PTPRT: variants seen among roughly 807,000 people sequenced by gnomAD.
PTPRT encodes protein tyrosine phosphatase receptor type T, also known as receptor-type tyrosine-protein phosphatase T.
A neutral mutation model predicts 176.8 loss-of-function variants in PTPRT; 56 were observed. The ratio of observed to expected loss-of-function variants is 0.32; its 90% CI spans 0.26 to 0.40. The LOEUF is 0.40. Among genes scored for constraint, PTPRT ranks in the 10% least tolerant of loss-of-function variants. PTPRT has a pLI of 1.00. For missense variants in PTPRT, 1,540 were observed against 1,908.2 expected, an observed-to-expected ratio of 0.81 and a Z score of 3.60; for synonymous variants, 783 against 739.0, an observed-to-expected ratio of 1.06 and a Z score of -0.96.
chr20:42,084,044 C>T (rs768214296), intron 29 of PTPRT, among the ~76,000 whole-genome samples: 1 of 152,196 alleles, frequency 6.6e-6, no homozygotes, highest in Non-Finnish European at 1.5e-5. Flanking sequence ...CATGCCAAAG[C>T]ACTATAAGGT....
rs373049622 is a variant in PTPRT at position 42,567,772 on chromosome 20, G to C, written c.1154-95210C>G. 2.5e-4 allele frequency among the ~76,000 whole-genome samples: 38 copies of C among 152,262 alleles called. 1 individual carries two copies. In the Middle Eastern group the frequency reaches 0.01, roughly 41 times the overall value. On this transcript the variant is annotated intron_variant, in intron 7 of 30. Coordinates refer to ENST00000373187, the MANE Select transcript of PTPRT (RefSeq NM_007050.6). ...ATTAATCAGTTGCAAAGTATTTATT[G>C]AACAACAGACCTGTTTTATAATTGT...
At chr20:42,698,777 C>T (rs1028480121) in intron 6 of PTPRT, among the ~76,000 whole-genome samples, 1 of 152,036 alleles carries the variant, frequency 6.6e-6, no homozygotes, top group African/African-American at 2.4e-5. Flanking sequence ...CCCAACCGCC[C>T]GGGTCTTTGG....
At chr20:43,081,587 T>C (rs1407218812) in intron 1 of PTPRT, among the ~76,000 whole-genome samples, 1 of 152,226 alleles carries the variant, frequency 6.6e-6, no homozygotes, top group African/African-American at 2.4e-5. Context: ...TAATCATTAT[T>C]ATTTTTCCAT....
In PTPRT at chr20:42,315,905, G is replaced by A. The variant is rs200852571; in HGVS notation, c.1957C>T (p.Arg653Trp). Residue 653 changes from arginine (R) to tryptophan (W), a missense_variant, in exon 12 of 31, where the codon CGG (arginine) becomes TGG (tryptophan). Coordinates refer to ENST00000373187, the MANE Select transcript of PTPRT (RefSeq NM_007050.6). ...IECFSVPVSY[R>W]NASSLDSLHY... ...AGAGAATCGAGGCTGGAGGCATTCC[G>A]ATAGCTCACGGGCACCGAAAAGCAC... 33 of 1,614,040 alleles carry A rather than the reference G, an allele frequency of 2.0e-5. No homozygotes were observed. Among genetic ancestry groups the A allele is most frequent in the Middle Eastern group, 1.7e-4 (1 of 6,060 alleles).
chr20:42,815,062 C>T (rs1022123029), intron 2 of PTPRT, among the ~76,000 whole-genome samples: 23 of 152,144 alleles, frequency 1.5e-4, no homozygotes, highest in African/African-American at 5.5e-4. Context: ...TCAGTTGTTT[C>T]CTCTGAAAGG....
chr20:42,238,922 T>C (rs55837893), intron 14 of PTPRT, among the ~76,000 whole-genome samples: 4,278 of 152,290 alleles, frequency 0.028, 195 homozygotes, highest in African/African-American at 0.098. Context: ...ACAATAATTA[T>C]GTATTCCCAA....
intron 9 of PTPRT, among the ~76,000 whole-genome samples, chr20:42,379,063 G>A (rs566431969): frequency 3.6e-4 from 55 of 152,264 alleles, no homozygotes; most frequent in Non-Finnish European, 5.3e-4. Flanking sequence ...GCTGCATTTC[G>A]TTTTGAACAT....
chr20:42,796,361 T>G (rs1165078011), intron 2 of PTPRT, among the ~76,000 whole-genome samples: 1 of 152,230 alleles, frequency 6.6e-6, no homozygotes, highest in African/African-American at 2.4e-5. Context: ...AAATTTCTGT[T>G]GGATAGCACT....
chr20:42,433,424 G>T (rs1164767080), intron 9 of PTPRT, among the ~76,000 whole-genome samples: 1 of 152,172 alleles, frequency 6.6e-6, no homozygotes, highest in Admixed American at 6.5e-5. Context: ...AGCAGGCAGG[G>T]TATACCTTGC....
At chr20:43,064,572 C>A (rs1293551788) in intron 1 of PTPRT, among the ~76,000 whole-genome samples, 1 of 152,218 alleles carries the variant, frequency 6.6e-6, no homozygotes, top group East Asian at 1.9e-4. Context: ...TCAAATCTCA[C>A]AAGTCAGCCT....
intron 4 of PTPRT, among the ~76,000 whole-genome samples, chr20:42,779,259 A>G (rs2077180687): frequency 6.6e-6 from 1 of 152,250 alleles, no homozygotes; most frequent in South Asian, 2.1e-4. Flanking sequence ...TGAGAAGCAC[A>G]TAAGGAGAGG....
At chr20:42,590,316 G>C (rs1346739525) in intron 7 of PTPRT, among the ~76,000 whole-genome samples, 2 of 152,084 alleles carry the variant, frequency 1.3e-5, no homozygotes, top group African/African-American at 2.4e-5. Flanking sequence ...ACCTGAGCTA[G>C]TTATGGTTCA....
intron 7 of PTPRT, among the ~76,000 whole-genome samples, chr20:42,558,542 C>T (rs537654744): frequency 6.6e-6 from 1 of 152,142 alleles, no homozygotes; most frequent in African/African-American, 2.4e-5. Flanking sequence ...GGAATTGCCA[C>T]AAAAAGTAAT....
At chr20:42,607,835 A>T (rs1427631052) in intron 7 of PTPRT, among the ~76,000 whole-genome samples, 2 of 152,014 alleles carry the variant, frequency 1.3e-5, no homozygotes, top group Non-Finnish European at 2.9e-5. Flanking sequence ...CTTCATTATC[A>T]TGGGCCCGGG....
In PTPRT at chr20:42,104,725, A is replaced by C; in HGVS notation, c.3391-7T>G. 1 of 1,566,926 alleles carries C rather than the reference A, an allele frequency of 6.4e-7. No homozygotes were observed. Among genetic ancestry groups the C allele is most frequent in the South Asian group, 1.1e-5 (1 of 90,094 alleles). On this transcript the variant is annotated splice_region_variant and splice_polypyrimidine_tract_variant and intron_variant, in intron 24 of 30. Coordinates refer to ENST00000373187, the MANE Select transcript of PTPRT (RefSeq NM_007050.6). ...GCACAAACACATATTGCTCCTGCAA[A>C]GTCAGAAGAGAGGGAATGGGGTGCC...
intron 9 of PTPRT, among the ~76,000 whole-genome samples, chr20:42,424,709 G>A (rs1471128310): frequency 6.6e-6 from 1 of 151,800 alleles, no homozygotes; most frequent in Non-Finnish European, 1.5e-5. Flanking sequence ...TGGGCACTGT[G>A]AAACAGACTT....
At chr20:43,093,424 G>T (rs2011970634) in intron 1 of PTPRT, among the ~76,000 whole-genome samples, 2 of 152,184 alleles carry the variant, frequency 1.3e-5, no homozygotes, top group South Asian at 4.1e-4. Flanking sequence ...CCAATAACTT[G>T]TTCAGCTTTT....
At chr20:42,596,439 G>A (rs563618072) in intron 7 of PTPRT, among the ~76,000 whole-genome samples, 22 of 152,174 alleles carry the variant, frequency 1.4e-4, no homozygotes, top group Non-Finnish European at 2.5e-4. Context: ...ACTTCCATAC[G>A]GAATACCACG....
intron 6 of PTPRT, among the ~76,000 whole-genome samples, chr20:42,720,510 A>G (rs551368701): frequency 1.3e-5 from 2 of 152,346 alleles, no homozygotes; most frequent in East Asian, 1.9e-4. Flanking sequence ...AGAGTTAAAG[A>G]AAAAGGGTCA....
Sources: allele counts gnomAD v4.1 joint callset (sites outside exome capture counted in the v4.1 genomes callset), GRCh38; gene constraint gnomAD v4.1.1; transcripts MANE v1.5; gene names NCBI Gene and HGNC (gene_info 2026-07-23, HGNC 2026-07-21).